JADE1: variants seen among roughly 807,000 people sequenced by gnomAD.
The protein encoded by JADE1 is jade family PHD finger 1.
JADE1 carries 14 observed loss-of-function variants against 81.8 expected under a neutral mutation model. That is an observed-to-expected ratio of 0.17 (90% CI 0.11 to 0.27). JADE1 has a LOEUF of 0.27. Among genes scored for constraint, JADE1 ranks in the 10% least tolerant of loss-of-function variants. The pLI is 1.00. For missense variants in JADE1, 690 were observed against 1,047.9 expected, an observed-to-expected ratio of 0.66 and a Z score of 4.71; for synonymous variants, 353 against 391.9, an observed-to-expected ratio of 0.90 and a Z score of 1.17.
chr4:128,869,544 C>T (rs899432301), intron 10 of JADE1, among the ~76,000 whole-genome samples: 3 of 152,082 alleles, frequency 2.0e-5, no homozygotes, highest in African/African-American at 7.2e-5. Flanking sequence ...AAAAATAAGC[C>T]GTAAAGAGCA....
At chr4:128,868,945 T>C (rs995204436) in intron 10 of JADE1, among the ~76,000 whole-genome samples, 1 of 152,178 alleles carries the variant, frequency 6.6e-6, no homozygotes, top group Non-Finnish European at 1.5e-5. Context: ...GTTGATTCAC[T>C]CTTGTTTTTG....
rs746734088 is a variant in JADE1 at position 128,846,363 on chromosome 4, C to A, written c.139-12C>A. 1 of 1,613,088 alleles carries A rather than the reference C, an allele frequency of 6.2e-7. No individual in the cohort carries two copies. The highest frequency in any genetic ancestry group is 1.1e-5 in the South Asian group (1 of 91,026). ...ATATCAAATGTCAGTGTCCCTTTCT[C>A]TTCCTTTCCAGGTGTTTAGGACAGA... is the stretch of plus-strand genomic sequence containing the variant. On this transcript the variant is annotated splice_polypyrimidine_tract_variant and intron_variant, in intron 3 of 10. Transcript: ENST00000226319. The surrounding 1 kb of genome is among the most constrained non-coding windows in gnomAD (Gnocchi z 4.0).
At chr4:128,857,504 G>T in intron 8 of JADE1, 50 bp downstream of exon 8, 1 of 1,378,552 alleles carries the variant, frequency 7.3e-7, no homozygotes, top group Non-Finnish European at 1.0e-6. Flanking sequence ...GCGTGGTGGG[G>T]AGCAGGATGA....
At chr4:128,824,221 A>G (rs1488735826) in intron 1 of JADE1, among the ~76,000 whole-genome samples, 3 of 152,182 alleles carry the variant, frequency 2.0e-5, no homozygotes, top group Admixed American at 6.5e-5. Flanking sequence ...GATCGAGACC[A>G]TCCTGGCTAA....
rs375623344 is a variant in JADE1, at chr4:128,862,913, TGC to T, written c.1503+692_1503+693del. 5.2e-3 allele frequency: 5,135 copies of T among 983,380 alleles called. 104 individuals are homozygous for T. The African/African-American group carries it at 0.072, about 14-fold the overall frequency. 60.9% of individuals were successfully genotyped at this position (983,380 alleles called of 1,614,324 possible). A position where few individuals can be genotyped will look rare whatever the true frequency, so the allele number is the denominator to read the frequency against. The stretch of plus-strand genomic sequence containing the variant: ...CTGAGGCTGTGTGTGTGTGTGTGTG[TGC>T]GCGTGCCCGTGTCCATCCATGTCTC... On this transcript the variant is annotated intron_variant, in intron 9 of 10. Transcript: ENST00000226319.
At chr4:128,815,584 C>T (rs983205678) in intron 1 of JADE1, among the ~76,000 whole-genome samples, 6 of 152,256 alleles carry the variant, frequency 3.9e-5, no homozygotes, top group African/African-American at 1.4e-4. Context: ...AAAGATTTAT[C>T]AGATGTTTGT....
In JADE1 at chr4:128,831,758, C is replaced by G; in HGVS notation, c.-1C>G. ...GCTGCCTGCTGTTTCCCGGGGAGAT[C>G]ATGAAACGAGGTCGCCTTCCCAGCA... On this transcript the variant is annotated 5_prime_UTR_variant, in exon 2 of 11. The change creates a new upstream start codon in the 5' untranslated region. Transcript: ENST00000226319. 1 of 1,614,158 alleles carries G rather than the reference C, an allele frequency of 6.2e-7. No homozygotes were observed. Among genetic ancestry groups the G allele is most frequent in the Non-Finnish European group, 8.5e-7 (1 of 1,180,030 alleles).
chr4:128,867,631 C>T (rs993350355), intron 9 of JADE1, among the ~76,000 whole-genome samples: 17 of 152,186 alleles, frequency 1.1e-4, no homozygotes, highest in African/African-American at 3.9e-4. Context: ...GTCCCTAACC[C>T]TCTTCGATGT....
At chr4:128,864,888 T>C (rs1450737731) in intron 9 of JADE1, 1 of 152,374 alleles carries the variant, frequency 6.6e-6, no homozygotes, top group Non-Finnish European at 1.5e-5. Flanking sequence ...CAGGAGTAGA[T>C]TTCAGGAGGG....
At chr4:128,839,346 G>C (rs1729237466) in intron 2 of JADE1, among the ~76,000 whole-genome samples, 2 of 152,142 alleles carry the variant, frequency 1.3e-5, no homozygotes, top group South Asian at 4.1e-4. Flanking sequence ...GCAAAGTCTA[G>C]GTTTTATACA....
intron 1 of JADE1, among the ~76,000 whole-genome samples, chr4:128,831,181 A>G (rs1728517653): frequency 6.6e-6 from 1 of 152,190 alleles, no homozygotes; most frequent in African/African-American, 2.4e-5. Context: ...CTGTGGGGTT[A>G]GAGATGGCTG....
At chr4:128,842,507 C>G (rs973922625) in intron 2 of JADE1, among the ~76,000 whole-genome samples, 11 of 152,138 alleles carry the variant, frequency 7.2e-5, no homozygotes, top group African/African-American at 2.7e-4. Context: ...ACCAAGTTGG[C>G]CAGGCAGGTC....
chr4:128,831,624 AG>A lies in JADE1; in HGVS notation c.-26-108del, dbSNP rs547275055. On this transcript the variant is annotated intron_variant, in intron 1 of 10. Transcript: ENST00000226319. ...TGTTTACAATTCAAATGCTACTTAA[AG>A]CCATTTGTTTGCTTTTGTTTGCTGT... The A allele has an allele frequency of 1.1e-4, 91 of 854,814 alleles. 2 individuals are homozygous for A. The South Asian group carries it at 1.3e-3, about 12-fold the overall frequency. 53.0% of individuals were successfully genotyped at this position (854,814 alleles called of 1,614,324 possible).
intron 3 of JADE1, 47 bp downstream of exon 3, chr4:128,843,085 C>T (rs1348846208): frequency 6.8e-7 from 1 of 1,471,386 alleles, no homozygotes. Flanking sequence ...TATGCTATCC[C>T]ATATGCCTAG....
At chr4:128,814,865 G>A (rs1017531765) in intron 1 of JADE1, among the ~76,000 whole-genome samples, 7 of 151,466 alleles carry the variant, frequency 4.6e-5, no homozygotes, top group African/African-American at 1.7e-4. Flanking sequence ...ACCCAGCTCT[G>A]AGGACCTTTT....
rs1277131205 is a variant in JADE1 at position 128,875,084 on chromosome 4, C to T, written c.*2822C>T. 1 of 152,038 alleles carries T rather than the reference C, an allele frequency of 6.6e-6. No homozygotes were observed. The highest frequency in any genetic ancestry group is 1.5e-5 in the Non-Finnish European group (1 of 67,954). The allele number at this position is 152,038 out of a possible 1,614,324, so 9.4% of individuals were successfully genotyped here. A position where few individuals can be genotyped will look rare whatever the true frequency, so the allele number is the denominator to read the frequency against. ...GATGACTATTTTATATTACATGACC[C>T]AATCCTGTATTTATTTCTACCCCCT... On this transcript the variant is annotated 3_prime_UTR_variant, in exon 11 of 11. Coordinates refer to ENST00000226319, the MANE Select transcript of JADE1 (RefSeq NM_199320.4).
intron 9 of JADE1, chr4:128,863,294 A>C (rs913921209): frequency 1.0e-6 from 1 of 985,512 alleles, no homozygotes. Flanking sequence ...CATCTTCCAC[A>C]TCAACTCCCC....
chr4:128,852,016 T>C, intron 5 of JADE1, 41 bp from the exon 6 acceptor site: 7 of 1,234,760 alleles, frequency 5.7e-6, no homozygotes, highest in Non-Finnish European at 8.3e-6. Flanking sequence ...TTTATTAATA[T>C]GGATTTATTA....
Position 128,871,721 on chromosome 4 carries a change from G to A in JADE1, c.1988G>A (p.Arg663His), listed in dbSNP as rs527309893. ...MPDHGKRRDN[R>H]FHCDLIKGDL... Reference sequence around the variant, plus strand: ...GACCATGGGAAAAGAAGAGACAATCGTTTTCATTGTGATCTCATTAAAGGA... The same window carrying A: ...GACCATGGGAAAAGAAGAGACAATCATTTTCATTGTGATCTCATTAAAGGA... The change falls in exon 11 of 11, where the codon CGT becomes CAT. Residue 663 changes from arginine (R) to histidine (H), a missense_variant. Arg to His is a conservative substitution (Grantham distance 29). This residue lies in a region of JADE1 where 218 missense variants were observed against 274.3 expected (regional missense o/e 0.79). Transcript: ENST00000226319. This position sits in a 1 kb window ranked among gnomAD's most constrained non-coding sequence, Gnocchi z 4.1. The A allele has an allele frequency of 6.2e-6, 10 of 1,613,986 alleles. No homozygotes were observed. The highest frequency in any genetic ancestry group is 5.9e-6 in the Non-Finnish European group (7 of 1,180,022).
Sources: allele counts gnomAD v4.1 joint callset (sites outside exome capture counted in the v4.1 genomes callset), GRCh38; gene constraint gnomAD v4.1.1; regional missense constraint gnomAD v4.1.1; non-coding constraint Gnocchi (gnomAD v3.1); transcripts MANE v1.5; gene names NCBI Gene and HGNC (gene_info 2026-07-23, HGNC 2026-07-21).